The following CYREN variants were observed in gnomAD, a reference collection of about 807,000 sequenced individuals.
CYREN encodes cell cycle regulator of NHEJ.
Under a neutral mutation model 9.7 loss-of-function variants are expected in CYREN, and 7 were observed. The observed-to-expected ratio is 0.72, with a 90% CI of 0.41 to 1.36. CYREN has a LOEUF of 1.36. Among genes scored for constraint, CYREN ranks in the 40% most tolerant of loss-of-function variants. The probability of loss-of-function intolerance (pLI) is 0.01; values close to 1 mark genes in which losing one functional copy is unlikely to be tolerated. For synonymous variants in CYREN, 76 were observed against 77.9 expected, an observed-to-expected ratio of 0.98 and a Z score of 0.13; for missense variants, 215 against 198.1, an observed-to-expected ratio of 1.09 and a Z score of -0.51.
chr7:135,099,575 G>T (rs995852707), intron 2 of CYREN, among the ~76,000 whole-genome samples: 5 of 152,072 alleles, frequency 3.3e-5, no homozygotes, highest in Non-Finnish European at 7.4e-5. Flanking sequence ...AATATTTGAG[G>T]TAGGAGAACT....
intron 2 of CYREN, among the ~76,000 whole-genome samples, chr7:135,160,561 T>G (rs700415): frequency 0.48 from 72,621 of 151,892 alleles, 17,688 homozygotes; most frequent in South Asian, 0.65. Context: ...AGTTCCTGAA[T>G]TCTGTCCATA....
intron 3 of CYREN, 37 bp from the exon 4 acceptor site, chr7:135,166,908 G>A (rs892723888): frequency 4.4e-6 from 7 of 1,598,242 alleles, no homozygotes; most frequent in Non-Finnish European, 6.0e-6. Flanking sequence ...CAACATACGT[G>A]TTTTATTTCC....
At chr7:135,159,724 A>T (rs895923480) in intron 2 of CYREN, among the ~76,000 whole-genome samples, 7 of 152,262 alleles carry the variant, frequency 4.6e-5, no homozygotes, top group African/African-American at 1.7e-4. Context: ...CTGAAACTCA[A>T]AATTATTTTT....
intron 3 of CYREN, 30 bp downstream of exon 3, chr7:135,167,702 G>C (rs772167070): frequency 9.3e-6 from 15 of 1,612,996 alleles, no homozygotes; most frequent in African/African-American, 1.3e-5. Context: ...AGAGTTTCTG[G>C]TCATGAGTAA....
intron 2 of CYREN, among the ~76,000 whole-genome samples, chr7:135,113,244 A>G (rs1017694773): frequency 3.9e-5 from 6 of 152,208 alleles, no homozygotes; most frequent in African/African-American, 1.4e-4. Flanking sequence ...CCTTTTAAGA[A>G]TAGATAATTT....
At chr7:135,115,337 T>C in intron 2 of CYREN, 1 of 1,267,220 alleles carries the variant, frequency 7.9e-7, no homozygotes, top group Non-Finnish European at 1.1e-6. Flanking sequence ...TAATTGTGAA[T>C]AGAGTTCATA....
At chr7:135,171,064 A>G (rs1398235105), upstream of CYREN, among the ~76,000 whole-genome samples, 3 of 152,236 alleles carry the variant, frequency 2.0e-5, no homozygotes, top group Admixed American at 6.5e-5. Flanking sequence ...CTGCTGGGCC[A>G]GGCCCCCCTC....
intron 2 of CYREN, among the ~76,000 whole-genome samples, chr7:135,149,014 C>G (rs1249683785): frequency 6.6e-6 from 1 of 152,092 alleles, no homozygotes; most frequent in Non-Finnish European, 1.5e-5. Context: ...AACTGAAGAG[C>G]ATTTTTCAGT....
chr7:135,157,818 C>G (rs547323129), intron 2 of CYREN, among the ~76,000 whole-genome samples: 5 of 152,294 alleles, frequency 3.3e-5, no homozygotes, highest in Non-Finnish European at 7.4e-5. Context: ...CCTTTCCTAC[C>G]AGGGTGGCAG....
intron 2 of CYREN, chr7:135,101,227 T>C (rs1180680483): frequency 6.6e-6 from 3 of 456,138 alleles, no homozygotes; most frequent in Non-Finnish European, 1.3e-5. Context: ...CAGTCTCCTA[T>C]GGGCAAACAA....
exon 3 of CYREN, chr7:135,092,818 C>T (rs1171329766): frequency 6.6e-6 from 1 of 151,710 alleles, no homozygotes; most frequent in Non-Finnish European, 1.5e-5. Flanking sequence ...GGATTATACA[C>T]AATGACCAAA....
At chr7:135,124,569 C>T (rs1286612314) in intron 2 of CYREN, among the ~76,000 whole-genome samples, 2 of 152,248 alleles carry the variant, frequency 1.3e-5, no homozygotes, top group Non-Finnish European at 2.9e-5. Context: ...CTACAGAAAT[C>T]TCCACCCCAA....
intron 2 of CYREN, among the ~76,000 whole-genome samples, chr7:135,114,158 T>C (rs992978073): frequency 1.3e-5 from 2 of 152,216 alleles, no homozygotes; most frequent in African/African-American, 2.4e-5. Context: ...ACTATAAATA[T>C]GAATGTATCT....
Position 135,160,565 on chromosome 7 carries a change from G to A in CYREN, n.356+8184C>T, listed in dbSNP as rs549879057. Among the ~76,000 whole-genome samples the A allele has an allele frequency of 3.9e-5, 6 of 152,248 alleles. No individual in the cohort carries two copies. The South Asian group carries it at 1.2e-3, about 32-fold the overall frequency. ...CTCCATACACAAGTTCCTGAATTCT[G>A]TCCATAGTTCAACAGAAAGCATGGA... On this transcript the variant is annotated intron_variant and non_coding_transcript_variant, in intron 2 of 2. Coordinates refer to the CYREN transcript ENST00000459937.
chr7:135,147,934 T>A, intron 2 of CYREN: 1 of 455,792 alleles, frequency 2.2e-6, no homozygotes, highest in Non-Finnish European at 4.4e-6. Context: ...ACAGTGTAGG[T>A]AAAGAGTATG....
chr7:135,145,607 G>T (rs1456942900), intron 2 of CYREN, among the ~76,000 whole-genome samples: 1 of 152,168 alleles, frequency 6.6e-6, no homozygotes, highest in African/African-American at 2.4e-5. Flanking sequence ...GGTTGGATTA[G>T]TGTTAAGCAA....
chr7:135,169,255 C>T lies in CYREN; in HGVS notation c.-138-195G>A, dbSNP rs146473245. On this transcript the variant is annotated intron_variant, in intron 1 of 3. Coordinates refer to ENST00000393114, the MANE Select transcript of CYREN (RefSeq NM_024033.4). Reference sequence around the variant, plus strand: ...CCTCTGACCTCCCCAAAGCTGGTGCCCCCTACAGGCAGCCAAAGCCAACCA... The same window carrying T: ...CCTCTGACCTCCCCAAAGCTGGTGCTCCCTACAGGCAGCCAAAGCCAACCA... The T allele has an allele frequency of 5.6e-3, 1,043 of 186,912 alleles. 9 individuals are homozygous for T. Among genetic ancestry groups the T allele is most frequent in the African/African-American group, 0.023 (971 of 42,724 alleles). 11.6% of individuals were successfully genotyped at this position (186,912 alleles called of 1,614,324 possible). A position where few individuals can be genotyped will look rare whatever the true frequency, so the allele number is the denominator to read the frequency against.
chr7:135,149,784 T>C (rs1829626672), intron 2 of CYREN, among the ~76,000 whole-genome samples: 1 of 152,234 alleles, frequency 6.6e-6, no homozygotes. Flanking sequence ...TTCATGTTAG[T>C]TAACTACTTT....
intron 2 of CYREN, among the ~76,000 whole-genome samples, chr7:135,153,340 G>A (rs1443280755): frequency 6.6e-6 from 1 of 150,942 alleles, no homozygotes; most frequent in Non-Finnish European, 1.5e-5. Context: ...TGTAGTCCTA[G>A]CTACTCGGGA....
Sources: allele counts gnomAD v4.1 joint callset (sites outside exome capture counted in the v4.1 genomes callset), GRCh38; gene constraint gnomAD v4.1.1; transcripts MANE v1.5; gene names NCBI Gene and HGNC (gene_info 2026-07-23, HGNC 2026-07-21).